Variants in IGSF21 observed in about 807,000 individuals in gnomAD.
IGSF21 encodes immunoglobin superfamily member 21, also known as immunoglobulin superfamily member 21.
Under a neutral mutation model 46.8 loss-of-function variants are expected in IGSF21, and 28 were observed. The observed-to-expected ratio is 0.60, with a 90% confidence interval of 0.44 to 0.82. The LOEUF is 0.82. IGSF21 is among the 40% of genes least tolerant of loss of function. The pLI, the probability that IGSF21 is intolerant of heterozygous loss-of-function variation, is 0.00. For synonymous variants in IGSF21, 284 were observed against 273.6 expected, an observed-to-expected ratio of 1.04 and a Z score of -0.38; for missense variants, 624 against 665.5, an observed-to-expected ratio of 0.94 and a Z score of 0.69.
intron 2 of IGSF21, among the ~76,000 whole-genome samples, chr1:18,266,516 C>G (rs1286567865): frequency 6.6e-6 from 1 of 152,226 alleles, no homozygotes; most frequent in Non-Finnish European, 1.5e-5. Flanking sequence ...GCTGTCCTCA[C>G]TGGGACAACA....
At chr1:18,307,136 G>C (rs1417252614) in intron 3 of IGSF21, among the ~76,000 whole-genome samples, 2 of 152,028 alleles carry the variant, frequency 1.3e-5, no homozygotes, top group Non-Finnish European at 2.9e-5. Context: ...CATTTGTTTG[G>C]CCATGTCTTG....
intron 1 of IGSF21, among the ~76,000 whole-genome samples, chr1:18,180,979 C>T (rs1323169679): frequency 6.6e-6 from 1 of 152,138 alleles, no homozygotes; most frequent in Non-Finnish European, 1.5e-5. Context: ...GATCTGTTTT[C>T]CCCTGGGCCT....
At chr1:18,132,354 C>T (rs961275612) in intron 1 of IGSF21, among the ~76,000 whole-genome samples, 1 of 152,168 alleles carries the variant, frequency 6.6e-6, no homozygotes, top group Admixed American at 6.5e-5. Flanking sequence ...GGGCATAGGG[C>T]CCTGCCTGAC....
intron 1 of IGSF21, among the ~76,000 whole-genome samples, chr1:18,127,853 G>A (rs558277808): frequency 6.6e-6 from 1 of 152,134 alleles, no homozygotes; most frequent in African/African-American, 2.4e-5. Context: ...AGGTTATAGT[G>A]AGCCATAATT....
chr1:18,223,699 A>G (rs1404736743), intron 1 of IGSF21, among the ~76,000 whole-genome samples: 2 of 152,240 alleles, frequency 1.3e-5, no homozygotes, highest in Non-Finnish European at 2.9e-5. Flanking sequence ...CAAACAGACA[A>G]TTGCACTCCA....
In IGSF21 at chr1:18,278,820, T is replaced by C. The variant is rs746905872; in HGVS notation, c.184-13046T>C. 8.7e-5 allele frequency: 41 copies of C among 470,846 alleles called. 1 individual carries two copies. The highest frequency in any genetic ancestry group is 3.5e-4 in the Admixed American group (15 of 42,550). The allele number at this position is 470,846 out of a possible 1,614,324, so 29.2% of individuals were successfully genotyped here. ...ATCTGCCTGCCTCGGCCTCCAAAAG[T>C]GCTGGGATTACAGGCACGAGCCACT... On this transcript the variant is annotated intron_variant, in intron 2 of 9. Transcript: ENST00000251296.
intron 1 of IGSF21, among the ~76,000 whole-genome samples, chr1:18,213,737 G>A (rs925096590): frequency 1.3e-5 from 2 of 152,180 alleles, no homozygotes; most frequent in African/African-American, 2.4e-5. Context: ...ATTTGAGCTC[G>A]GGTGAAGGAG....
At chr1:18,179,912 T>C (rs1274592083) in intron 1 of IGSF21, among the ~76,000 whole-genome samples, 1 of 152,210 alleles carries the variant, frequency 6.6e-6, no homozygotes, top group Non-Finnish European at 1.5e-5. Flanking sequence ...TTCAAAAGCC[T>C]CCAAGCAAAA....
At chr1:18,147,695 T>A (rs1329376052) in intron 1 of IGSF21, among the ~76,000 whole-genome samples, 2 of 152,214 alleles carry the variant, frequency 1.3e-5, no homozygotes, top group African/African-American at 4.8e-5. Context: ...ACCTCCTACA[T>A]ACCAGGATGG....
chr1:18,178,434 C>T (rs1007711811), intron 1 of IGSF21, among the ~76,000 whole-genome samples: 4 of 152,102 alleles, frequency 2.6e-5, no homozygotes, highest in South Asian at 2.1e-4. Context: ...TGATATTGAA[C>T]GAGTTATCTA....
At chr1:18,119,796 ACT>A (rs1468531132) in intron 1 of IGSF21, among the ~76,000 whole-genome samples, 2 of 150,816 alleles carry the variant, frequency 1.3e-5, no homozygotes, top group Admixed American at 1.3e-4. Context: ...TTTTTCAGTC[ACT>A]CTCTGTTTAA....
rs118189712 is a variant in IGSF21, at chr1:18,229,574, T to C, written c.183+1564T>C. On this transcript the variant is annotated intron_variant, in intron 2 of 9. Coordinates refer to ENST00000251296, the MANE Select transcript of IGSF21 (RefSeq NM_032880.5). ...TATTTCAGCATTGCAGTCTCTCCTG[T>C]TTAGAGTTAATTCTAGTGCCCTCCA... Among the ~76,000 whole-genome samples the C allele has an allele frequency of 5.8e-4, 88 of 152,350 alleles. 3 individuals are homozygous for C. In the East Asian group the frequency reaches 0.013, roughly 23 times the overall value.
At chr1:18,282,690 G>A (rs144036676) in intron 2 of IGSF21, among the ~76,000 whole-genome samples, 4 of 148,434 alleles carry the variant, frequency 2.7e-5, no homozygotes, top group South Asian at 2.1e-4. Context: ...ACCCTTTCCC[G>A]GAGTGAGGAG....
At chr1:18,323,865 G>A (rs1000386000) in intron 3 of IGSF21, among the ~76,000 whole-genome samples, 7 of 152,290 alleles carry the variant, frequency 4.6e-5, no homozygotes, top group Non-Finnish European at 8.8e-5. Context: ...TAAAGGCCCT[G>A]AAGAAAAAGA....
intron 1 of IGSF21, among the ~76,000 whole-genome samples, chr1:18,148,486 G>A (rs180681831): frequency 7.0e-4 from 106 of 152,280 alleles, no homozygotes; most frequent in African/African-American, 2.1e-3. Context: ...ACTGAAGCCC[G>A]GAGAAGCTAA....
intron 2 of IGSF21, among the ~76,000 whole-genome samples, chr1:18,281,565 CAAA>C (rs1198619675): frequency 1.7e-4 from 17 of 101,106 alleles, no homozygotes; most frequent in Admixed American, 3.2e-4. Flanking sequence ...GACTCTGTCT[CAAA>C]AAAAAAAAAA....
intron 2 of IGSF21, among the ~76,000 whole-genome samples, chr1:18,268,198 C>T (rs1395399528): frequency 6.6e-6 from 1 of 152,212 alleles, no homozygotes; most frequent in Admixed American, 6.5e-5. Flanking sequence ...TCTACTTCGA[C>T]TGATCATTTT....
At chr1:18,339,392 AGG>A (rs1304829347) in intron 4 of IGSF21, among the ~76,000 whole-genome samples, 1 of 151,958 alleles carries the variant, frequency 6.6e-6, no homozygotes, top group Non-Finnish European at 1.5e-5. Context: ...GACAGAGTGC[AGG>A]GAGTGGGGAC....
intron 3 of IGSF21, among the ~76,000 whole-genome samples, chr1:18,301,058 A>G (rs2085356319): frequency 6.6e-6 from 1 of 152,182 alleles, no homozygotes; most frequent in African/African-American, 2.4e-5. Flanking sequence ...CATTTCAAAC[A>G]GTTAGCAAAA....
Sources: allele counts gnomAD v4.1 joint callset (sites outside exome capture counted in the v4.1 genomes callset), GRCh38; gene constraint gnomAD v4.1.1; transcripts MANE v1.5; gene names NCBI Gene and HGNC (gene_info 2026-07-23, HGNC 2026-07-21).